FSCN1: variants seen among roughly 807,000 people sequenced by gnomAD.
FSCN1 encodes the protein fascin.
A neutral mutation model predicts 39.7 loss-of-function variants in FSCN1; 10 were observed. That is an observed-to-expected ratio of 0.25 (90% CI 0.16 to 0.43). FSCN1 has a LOEUF of 0.43. Ranked by LOEUF, FSCN1 falls within the 20% of genes least tolerant of loss-of-function variation. The pLI, the probability that FSCN1 is intolerant of heterozygous loss-of-function variation, is 1.00. For synonymous variants in FSCN1, 322 were observed against 320.0 expected, an observed-to-expected ratio of 1.01 and a Z score of -0.07; for missense variants, 525 against 723.8, an observed-to-expected ratio of 0.73 and a Z score of 3.15.
rs768839397 is a variant in FSCN1, at chr7:5,593,621, C to A, written c.685C>A (p.Arg229Ser). 1 of 1,562,282 alleles carries A rather than the reference C, an allele frequency of 6.4e-7. No individual in the cohort carries two copies. Among genetic ancestry groups the A allele is most frequent in the Admixed American group, 1.9e-5 (1 of 53,344 alleles). The change falls in exon 1 of 5, where the codon CGT becomes AGT. Residue 229 changes from arginine (R) to serine (S), a missense_variant. Transcript: ENST00000382361. ...GGTGGCCTTCCGCGACTGCGAGGGC[C>A]GTTACCTGGCGCCGTCGGGGCCCAG... ...GKVAFRDCEGRYLAPSGPSGT... is the reference protein window; with the variant it reads ...GKVAFRDCEGSYLAPSGPSGT...
At chr7:5,594,666 G>T (rs1785698749) in intron 1 of FSCN1, 1 of 152,062 alleles carries the variant, frequency 6.6e-6, no homozygotes, top group South Asian at 2.1e-4. Context: ...GGAACGGCGT[G>T]GCGCGGATGG....
chr7:5,597,968 ACTGTTC>A (rs1785761042), intron 1 of FSCN1, among the ~76,000 whole-genome samples: 1 of 148,670 alleles, frequency 6.7e-6, no homozygotes, highest in Non-Finnish European at 1.5e-5. Context: ...TGAAGAAAAC[ACTGTTC>A]CCATAGTAAC....
chr7:5,603,819 A>T lies in FSCN1; in HGVS notation c.1112-44A>T, dbSNP rs779914052. On this transcript the variant is annotated intron_variant, in intron 3 of 4. Transcript: ENST00000382361. The surrounding 1 kb of genome is among the most constrained non-coding windows in gnomAD (Gnocchi z 8.5). ...CTCTGGTCACCCCAGCCTCCACCCCACTCCCTGCCAGGAGGCTCACTGACT... is the reference window on the plus strand; with the variant it reads ...CTCTGGTCACCCCAGCCTCCACCCCTCTCCCTGCCAGGAGGCTCACTGACT... The T allele has an allele frequency of 6.3e-7, 1 of 1,587,576 alleles. No individual in the cohort carries two copies. Among genetic ancestry groups the T allele is most frequent in the South Asian group, 1.1e-5 (1 of 89,318 alleles).
At chr7:5,595,880 G>A (rs191939123) in intron 1 of FSCN1, among the ~76,000 whole-genome samples, 73 of 152,294 alleles carry the variant, frequency 4.8e-4, no homozygotes, top group African/African-American at 1.3e-3. Context: ...TTTTTGGCGA[G>A]CCTGGGCAGA....
In FSCN1 at chr7:5,606,038, C is replaced by T. The variant is rs1385780500; in HGVS notation, c.*564C>T. 6.6e-6 allele frequency: 1 copy of T among 152,348 alleles called. No individual in the cohort carries two copies. Among genetic ancestry groups the T allele is most frequent in the African/African-American group, 2.4e-5 (1 of 41,418 alleles). 9.4% of individuals were successfully genotyped at this position (152,348 alleles called of 1,614,324 possible). On this transcript the variant is annotated 3_prime_UTR_variant, in exon 5 of 5. Coordinates refer to ENST00000382361, the MANE Select transcript of FSCN1 (RefSeq NM_003088.4). The surrounding 1 kb of genome is among the most constrained non-coding windows in gnomAD (Gnocchi z 5.1). ...TTTTTGGGTGGTGGCTGGAAACAGCCCCTCTCCCACGTGGCAGAGGCTCAG... is the reference window on the plus strand; with the variant it reads ...TTTTTGGGTGGTGGCTGGAAACAGCTCCTCTCCCACGTGGCAGAGGCTCAG...
chr7:5,603,306 C>A lies in FSCN1; in HGVS notation c.882C>A (p.Phe294Leu). 1 of 1,613,282 alleles carries A rather than the reference C, an allele frequency of 6.2e-7. No homozygotes were observed. Among genetic ancestry groups the A allele is most frequent in the Non-Finnish European group, 8.5e-7 (1 of 1,180,024 alleles). Residue 294 changes from phenylalanine (F) to leucine (L), a missense_variant, in exon 2 of 5, where the codon TTC becomes TTA. Phe to Leu is a conservative substitution (Grantham distance 22). Transcript: ENST00000382361. The surrounding 1 kb of genome is among the most constrained non-coding windows in gnomAD (Gnocchi z 8.5). ...NQDEETDQET[F>L]QLEIDRDTKK... is the part of the protein sequence containing the mutation. ...ACGAGGAGACCGACCAGGAGACCTT[C>A]CAGCTGGAGATCGACCGCGACACCA...
rs552903424 is a variant in FSCN1 at position 5,605,016 on chromosome 7, G to T, written c.1280-256G>T. Among the ~76,000 whole-genome samples, 1 of 152,038 alleles carries T rather than the reference G, an allele frequency of 6.6e-6. No homozygotes were observed. The highest frequency in any genetic ancestry group is 2.1e-4 in the South Asian group (1 of 4,824). ...TCGAACTCCTGACCTCAAGTGATCCGCCCACCTCAGCCTCCCAAAGTGCTG... is the reference window on the plus strand; with the variant it reads ...TCGAACTCCTGACCTCAAGTGATCCTCCCACCTCAGCCTCCCAAAGTGCTG... On this transcript the variant is annotated intron_variant, in intron 4 of 4. Coordinates refer to ENST00000382361, the MANE Select transcript of FSCN1 (RefSeq NM_003088.4). This position sits in a 1 kb window ranked among gnomAD's most constrained non-coding sequence, Gnocchi z 6.9.
intron 1 of FSCN1, among the ~76,000 whole-genome samples, chr7:5,597,681 AAAC>A (rs1292965008): frequency 1.3e-5 from 2 of 150,218 alleles, no homozygotes; most frequent in Admixed American, 6.7e-5. Context: ...AAACAAAACA[AAAC>A]AAAAAAAACA....
intron 1 of FSCN1, among the ~76,000 whole-genome samples, chr7:5,598,984 T>C (rs1422807678): frequency 6.6e-6 from 1 of 152,192 alleles, no homozygotes; most frequent in Non-Finnish European, 1.5e-5. Flanking sequence ...GACGGCTCCC[T>C]GCAGCCCTGC....
chr7:5,593,913 CT>C, intron 1 of FSCN1, 145 bp downstream of exon 1: 1 of 614,088 alleles, frequency 1.6e-6, no homozygotes, highest in South Asian at 2.0e-5. Context: ...GGCACGCGGG[CT>C]ACCCCGCCTG....
At chr7:5,596,777 C>T (rs1785737772) in intron 1 of FSCN1, among the ~76,000 whole-genome samples, 1 of 152,210 alleles carries the variant, frequency 6.6e-6, no homozygotes, top group African/African-American at 2.4e-5. Flanking sequence ...AAGAGTTCTC[C>T]CCACGAGGCG....
rs746546231 is a variant in FSCN1, at chr7:5,593,260, C to A, written c.324C>A (p.His108Gln). The A allele has an allele frequency of 1.2e-6, 2 of 1,609,282 alleles. No homozygotes were observed. The highest frequency in any genetic ancestry group is 3.3e-5 in the Admixed American group (2 of 59,826). Residue 108 changes from histidine to glutamine, a missense_variant, in exon 1 of 5, where the codon CAC becomes CAA. Around this residue, in one of 3 missense-constraint regions of FSCN1, gnomAD observed 246 missense variants for 350.6 expected, o/e 0.70. Transcript: ENST00000382361. Reference protein sequence around the residue: ...DGRWSLQSEAHRRYFGGTEDR... With the variant: ...DGRWSLQSEAQRRYFGGTEDR... ...GCTGGTCGCTGCAGTCCGAGGCGCACCGGCGCTACTTCGGCGGCACCGAGG... is the reference window on the plus strand; with the variant it reads ...GCTGGTCGCTGCAGTCCGAGGCGCAACGGCGCTACTTCGGCGGCACCGAGG...
chr7:5,598,776 G>A (rs1249301369), intron 1 of FSCN1, among the ~76,000 whole-genome samples: 1 of 152,188 alleles, frequency 6.6e-6, no homozygotes, highest in Non-Finnish European at 1.5e-5. Flanking sequence ...GCCTGCAGGA[G>A]GCTGTCCTCT....
chr7:5,594,328 C>G (rs1785690374), intron 1 of FSCN1, among the ~76,000 whole-genome samples: 1 of 151,988 alleles, frequency 6.6e-6, no homozygotes, highest in African/African-American at 2.4e-5. Flanking sequence ...CCTCCACCTC[C>G]TCCCGCTGCC....
chr7:5,602,645 G>A (rs944710655), intron 1 of FSCN1, among the ~76,000 whole-genome samples: 5 of 152,140 alleles, frequency 3.3e-5, no homozygotes, highest in South Asian at 4.1e-4. Flanking sequence ...TCTGGGCCAC[G>A]TTAAGACCCT....
rs1007743911 is a variant in FSCN1, at chr7:5,605,053, G to A, written c.1280-219G>A. 2.0e-5 allele frequency among the ~76,000 whole-genome samples: 3 copies of A among 152,188 alleles called. No homozygotes were observed. The highest frequency in any genetic ancestry group is 4.8e-5 in the African/African-American group (2 of 41,438). On this transcript the variant is annotated intron_variant, in intron 4 of 4. Coordinates refer to ENST00000382361, the MANE Select transcript of FSCN1 (RefSeq NM_003088.4). The surrounding 1 kb of genome is among the most constrained non-coding windows in gnomAD (Gnocchi z 6.9). ...CTCCCAAAGTGCTGGGATTACAGGC[G>A]TGAGCCACTGCGGCCGAGCAGAACA... is the stretch of plus-strand genomic sequence containing the variant.
intron 1 of FSCN1, among the ~76,000 whole-genome samples, chr7:5,602,221 T>TTAAG (rs554819239): frequency 0.084 from 12,426 of 148,034 alleles, 569 homozygotes; most frequent in African/African-American, 0.12. Flanking sequence ...TTTTTTTTTT[T>TTAAG]AAGTAGGGTC....
rs759403538 is a variant in FSCN1, at chr7:5,599,484, C to A, written c.833-3773C>A. ...AGGATGAAGATCCCCACCTGTGGAGCAGATGTGGGGCTGCATGGTTGGGTC... is the reference window on the plus strand; with the variant it reads ...AGGATGAAGATCCCCACCTGTGGAGAAGATGTGGGGCTGCATGGTTGGGTC... On this transcript the variant is annotated intron_variant, in intron 1 of 4. Coordinates refer to ENST00000382361, the MANE Select transcript of FSCN1 (RefSeq NM_003088.4). The surrounding 1 kb of genome is among the most constrained non-coding windows in gnomAD (Gnocchi z 5.6). 3.3e-5 allele frequency among the ~76,000 whole-genome samples: 5 copies of A among 152,178 alleles called. No homozygotes were observed. The highest frequency in any genetic ancestry group is 7.3e-5 in the Non-Finnish European group (5 of 68,032).
At chr7:5,604,115 C>A in intron 4 of FSCN1, 85 bp downstream of exon 4, 1 of 1,292,132 alleles carries the variant, frequency 7.7e-7, no homozygotes. Context: ...CCTCTGCATC[C>A]ACACTGGACC....
Sources: allele counts gnomAD v4.1 joint callset (sites outside exome capture counted in the v4.1 genomes callset), GRCh38; gene constraint gnomAD v4.1.1; regional missense constraint gnomAD v4.1.1; non-coding constraint Gnocchi (gnomAD v3.1); transcripts MANE v1.5; gene names NCBI Gene and HGNC (gene_info 2026-07-23, HGNC 2026-07-21).